The following SLCO5A1 variants were observed in gnomAD, a reference collection of about 807,000 sequenced individuals.
The protein encoded by SLCO5A1 is solute carrier organic anion transporter family member 5A1, also known as organic anion transporter polypeptide-related protein 4.
In SLCO5A1, 39 loss-of-function variants were observed where a neutral mutation model predicts 65.1. The observed-to-expected ratio is 0.60, with a 90% CI of 0.46 to 0.78. SLCO5A1 has a LOEUF of 0.78. Among genes scored for constraint, SLCO5A1 ranks in the 30% least tolerant of loss-of-function variants. The probability of loss-of-function intolerance (pLI) is 0.00; values close to 1 mark genes in which losing one functional copy is unlikely to be tolerated. For synonymous variants in SLCO5A1, 438 were observed against 415.7 expected, an observed-to-expected ratio of 1.05 and a Z score of -0.65; for missense variants, 1,029 against 1,069.4, an observed-to-expected ratio of 0.96 and a Z score of 0.53.
intron 2 of SLCO5A1, among the ~76,000 whole-genome samples, chr8:69,776,098 G>C (rs1028839812): frequency 6.6e-6 from 1 of 152,078 alleles, no homozygotes; most frequent in Non-Finnish European, 1.5e-5. Flanking sequence ...ATAACACTCA[G>C]TGCAGAAACA....
chr8:69,668,382 G>A lies in SLCO5A1; in HGVS notation c.*4487C>T, dbSNP rs1169063108. The A allele has an allele frequency of 6.6e-6, 1 of 152,212 alleles. No homozygotes were observed. The highest frequency in any genetic ancestry group is 2.4e-5 in the African/African-American group (1 of 41,440). 9.4% of individuals were successfully genotyped at this position (152,212 alleles called of 1,614,324 possible). A position where few individuals can be genotyped will look rare whatever the true frequency, so the allele number is the denominator to read the frequency against. On this transcript the variant is annotated 3_prime_UTR_variant, in exon 10 of 10. Transcript: ENST00000260126. ...TACTGGTCTGTATAACAGAGAACTA[G>A]CAAACCTGCAGTTTAGGCAATTCTG... is the stretch of plus-strand genomic sequence containing the variant.
At position 69,755,467 on chromosome 8, in the gene SLCO5A1, C is replaced by T. The variant is rs34295070; in HGVS notation, c.1215G>A (p.Ala405=). Residue 405 remains alanine, a synonymous_variant, in exon 4 of 10, where the codon GCG becomes GCA. Transcript: ENST00000260126. ...ATCCCATCGAAGAAACTTTTTTGTC[C>T]GCTTGTTCACTGTTGTTTGATTTCT... The part of the protein sequence containing the change: ...LKEKSNNSEQ[A]DKKVSSMGFG... 1,066 of 1,613,928 alleles carry T rather than the reference C, an allele frequency of 6.6e-4. 5 individuals carry two copies. In the African/African-American group the frequency reaches 0.012, roughly 18 times the overall value.
At chr8:69,749,352 C>T (rs1586755137) in intron 4 of SLCO5A1, among the ~76,000 whole-genome samples, 1 of 152,206 alleles carries the variant, frequency 6.6e-6, no homozygotes, top group East Asian at 1.9e-4. Flanking sequence ...GGCGCAGTGG[C>T]TCACACCTGT....
intron 2 of SLCO5A1, among the ~76,000 whole-genome samples, chr8:69,824,066 C>T (rs1306021997): frequency 1.3e-5 from 2 of 152,130 alleles, no homozygotes; most frequent in Admixed American, 6.5e-5. Context: ...TAAAGATGTT[C>T]TTTGAAACCA....
At chr8:69,743,498 G>T (rs944350949) in intron 4 of SLCO5A1, among the ~76,000 whole-genome samples, 1 of 152,104 alleles carries the variant, frequency 6.6e-6, no homozygotes, top group African/African-American at 2.4e-5. Context: ...ACTACAAAAG[G>T]TCTTTATTTG....
At chr8:69,794,679 T>A in intron 2 of SLCO5A1, 1 of 317,056 alleles carries the variant, frequency 3.2e-6, no homozygotes. Context: ...GCAGATTGCC[T>A]TTGTCCTTCA....
At chr8:69,739,846 T>C (rs1431617461) in intron 4 of SLCO5A1, among the ~76,000 whole-genome samples, 4 of 152,142 alleles carry the variant, frequency 2.6e-5, no homozygotes, top group African/African-American at 7.2e-5. Context: ...ATATCCAAAA[T>C]TTAGAACTTA....
Position 69,817,597 on chromosome 8 carries a change from G to A in SLCO5A1, c.907+14170C>T, listed in dbSNP as rs559595345. On this transcript the variant is annotated intron_variant, in intron 2 of 9. Transcript: ENST00000260126. ...CTTGCCCAAATCCTTTCATCCTTTG[G>A]AATCTGGGCTTCCTTGCCTGCCAAA... Among the ~76,000 whole-genome samples, 54 of 152,132 alleles carry A rather than the reference G, an allele frequency of 3.5e-4. 2 individuals are homozygous for A. In the South Asian group the frequency reaches 0.011, roughly 30 times the overall value.
At chr8:69,822,039 T>C (rs1396687359) in intron 2 of SLCO5A1, among the ~76,000 whole-genome samples, 4 of 151,606 alleles carry the variant, frequency 2.6e-5, no homozygotes, top group Non-Finnish European at 4.4e-5. Context: ...GGCAGGAGAA[T>C]CACTTGAACC....
rs1181469048 is a variant in SLCO5A1, at chr8:69,808,744, G to A, written c.907+23023C>T. ...CTTTAAGTCTTTAAAGAATCGCCATGATGTGTGAGATTTTAATGGATAAAT... is the reference window on the plus strand; with the variant it reads ...CTTTAAGTCTTTAAAGAATCGCCATAATGTGTGAGATTTTAATGGATAAAT... On this transcript the variant is annotated intron_variant, in intron 2 of 9. Coordinates refer to ENST00000260126, the MANE Select transcript of SLCO5A1 (RefSeq NM_030958.3). Among the ~76,000 whole-genome samples the A allele has an allele frequency of 2.0e-5, 3 of 152,176 alleles. No homozygotes were observed. The South Asian group carries it at 6.2e-4, about 32-fold the overall frequency.
chr8:69,810,491 C>T (rs556175446), intron 2 of SLCO5A1, among the ~76,000 whole-genome samples: 2 of 152,356 alleles, frequency 1.3e-5, no homozygotes, highest in African/African-American at 2.4e-5. Flanking sequence ...TTCTAACAAA[C>T]ACTGACCACT....
chr8:69,726,831 T>A (rs1181128719), intron 5 of SLCO5A1, among the ~76,000 whole-genome samples: 2 of 152,146 alleles, frequency 1.3e-5, no homozygotes, highest in Non-Finnish European at 2.9e-5. Flanking sequence ...ATTTTTCTTC[T>A]TCCTCTTAAA....
chr8:69,756,721 T>G (rs1380964399), intron 3 of SLCO5A1, among the ~76,000 whole-genome samples: 1 of 152,258 alleles, frequency 6.6e-6, no homozygotes, highest in Non-Finnish European at 1.5e-5. Flanking sequence ...GAAATTCACC[T>G]GAGATTGCCA....
At chr8:69,731,779 T>A (rs1213633788) in intron 5 of SLCO5A1, among the ~76,000 whole-genome samples, 1 of 152,244 alleles carries the variant, frequency 6.6e-6, no homozygotes, top group South Asian at 2.1e-4. Flanking sequence ...CTTTAGCACC[T>A]GCTACAAAAT....
At chr8:69,746,585 A>G (rs1817038174) in intron 4 of SLCO5A1, among the ~76,000 whole-genome samples, 1 of 152,194 alleles carries the variant, frequency 6.6e-6, no homozygotes, top group Non-Finnish European at 1.5e-5. Context: ...TGCAAAGCAC[A>G]TGGGCAGTAC....
chr8:69,740,499 A>G (rs1159944329), intron 4 of SLCO5A1, among the ~76,000 whole-genome samples: 1 of 152,202 alleles, frequency 6.6e-6, no homozygotes, highest in East Asian at 1.9e-4. Context: ...GAAGATAGAT[A>G]CATGGATGAT....
At chr8:69,697,990 G>C (rs1243640093) in intron 6 of SLCO5A1, among the ~76,000 whole-genome samples, 6 of 152,070 alleles carry the variant, frequency 3.9e-5, no homozygotes, top group Admixed American at 6.6e-5. Context: ...TACTCAATGG[G>C]CAGTTTTTCC....
At chr8:69,694,633 G>A (rs1027396475) in intron 6 of SLCO5A1, among the ~76,000 whole-genome samples, 5 of 152,142 alleles carry the variant, frequency 3.3e-5, no homozygotes, top group African/African-American at 7.2e-5. Context: ...TTTTGTTCAC[G>A]CAAAGGTATC....
chr8:69,706,461 CCA>C (rs1013863482), intron 5 of SLCO5A1, among the ~76,000 whole-genome samples: 1 of 152,104 alleles, frequency 6.6e-6, no homozygotes, highest in African/African-American at 2.4e-5. Flanking sequence ...ATCCTAATCC[CCA>C]GAGTGATTAG....
Sources: allele counts gnomAD v4.1 joint callset (sites outside exome capture counted in the v4.1 genomes callset), GRCh38; gene constraint gnomAD v4.1.1; transcripts MANE v1.5; gene names NCBI Gene and HGNC (gene_info 2026-07-23, HGNC 2026-07-21).